Variants in PKHD1 observed in about 807,000 individuals in gnomAD.
The protein encoded by PKHD1 is PKHD1 ciliary IPT domain containing fibrocystin/polyductin.
In PKHD1, 291 loss-of-function variants were observed where a neutral mutation model predicts 412.0. The ratio of observed to expected loss-of-function variants is 0.71; its 90% CI spans 0.64 to 0.78. The LOEUF (loss-of-function observed/expected upper bound fraction) is 0.78. Ranked by LOEUF, PKHD1 falls within the 30% of genes least tolerant of loss-of-function variation. The pLI, the probability that PKHD1 is intolerant of heterozygous loss-of-function variation, is 0.00. For missense variants in PKHD1, 4,825 were observed against 4,950.7 expected (o/e 0.97, Z 0.76); for synonymous variants, 1,777 against 1,821.5 (o/e 0.98, Z 0.62).
intron 60 of PKHD1, among the ~76,000 whole-genome samples, chr6:51,697,880 T>A (rs898454695): frequency 6.6e-6 from 1 of 152,234 alleles, no homozygotes; most frequent in African/African-American, 2.4e-5. Context: ...ATTTACTTTT[T>A]TTAAATCCTC....
At chr6:52,069,709 A>G (rs1161291931) in intron 10 of PKHD1, among the ~76,000 whole-genome samples, 182 bp from the exon 11 acceptor site, 1 of 152,222 alleles carries the variant, frequency 6.6e-6, no homozygotes, top group Non-Finnish European at 1.5e-5. Flanking sequence ...TTTCTGATAT[A>G]TAAAATTATC....
chr6:51,624,272 G>A (rs575700222), intron 66 of PKHD1, among the ~76,000 whole-genome samples: 1 of 152,206 alleles, frequency 6.6e-6, no homozygotes, highest in East Asian at 1.9e-4. Context: ...TTTTGAAGTT[G>A]TCTTGTGGGA....
chr6:51,833,856 T>C (rs897564903), intron 51 of PKHD1, among the ~76,000 whole-genome samples: 5 of 151,166 alleles, frequency 3.3e-5, no homozygotes, highest in Admixed American at 1.3e-4. Flanking sequence ...ACCACAGCCT[T>C]TGATCTGTCT....
chr6:52,006,462 C>T (rs1395733289), intron 35 of PKHD1, among the ~76,000 whole-genome samples: 2 of 152,060 alleles, frequency 1.3e-5, no homozygotes, highest in Admixed American at 6.6e-5. Flanking sequence ...CTGCAACATC[C>T]GCCTCCAGGG....
intron 53 of PKHD1, among the ~76,000 whole-genome samples, chr6:51,790,420 G>A (rs902325208): frequency 1.3e-5 from 2 of 152,030 alleles, no homozygotes; most frequent in Non-Finnish European, 2.9e-5. Flanking sequence ...TGCCTGTCCT[G>A]TGGCCTCAAC....
chr6:52,072,039 G>C, intron 8 of PKHD1, 76 bp downstream of exon 8: 2 of 849,168 alleles, frequency 2.4e-6, no homozygotes, highest in Non-Finnish European at 2.1e-6. Flanking sequence ...GAGAGAAAGA[G>C]AGAGAATGTG....
At chr6:51,987,969 G>A (rs918614733) in intron 35 of PKHD1, among the ~76,000 whole-genome samples, 1 of 152,044 alleles carries the variant, frequency 6.6e-6, no homozygotes, top group East Asian at 1.9e-4. Flanking sequence ...GAGATTTTTT[G>A]AGGGCTCTTA....
chr6:51,932,374 A>C (rs1288477553), intron 37 of PKHD1, among the ~76,000 whole-genome samples: 1 of 152,208 alleles, frequency 6.6e-6, no homozygotes, highest in Non-Finnish European at 1.5e-5. Context: ...CCTCATTTGA[A>C]TTCCTATTTT....
chr6:51,933,968 T>G, intron 37 of PKHD1, 142 bp downstream of exon 37: 1 of 706,692 alleles, frequency 1.4e-6, no homozygotes, highest in South Asian at 1.5e-5. Context: ...ACAGTTTTAC[T>G]TGTTATTTAA....
At chr6:51,682,478 A>G (rs1325268515) in intron 60 of PKHD1, among the ~76,000 whole-genome samples, 1 of 152,030 alleles carries the variant, frequency 6.6e-6, no homozygotes, top group Non-Finnish European at 1.5e-5. Flanking sequence ...AGGTAAAAAT[A>G]TTTTCATAAG....
chr6:51,880,859 A>G (rs1202030073), intron 46 of PKHD1, among the ~76,000 whole-genome samples: 4 of 145,366 alleles, frequency 2.8e-5, no homozygotes, highest in Non-Finnish European at 4.5e-5. Flanking sequence ...CCAGCTACTC[A>G]GGAGGCTGAG....
intron 2 of PKHD1, among the ~76,000 whole-genome samples, chr6:52,084,115 T>A (rs1163170378): frequency 1.3e-5 from 2 of 152,240 alleles, no homozygotes; most frequent in Non-Finnish European, 2.9e-5. Flanking sequence ...AAGGCCAAGT[T>A]AAGGAAGCCA....
intron 37 of PKHD1, among the ~76,000 whole-genome samples, chr6:51,918,463 T>C (rs1239776381): frequency 6.6e-6 from 1 of 152,118 alleles, no homozygotes; most frequent in Admixed American, 6.5e-5. Context: ...TTCTGTCTTG[T>C]GTTAGTTTGC....
At position 51,895,224 on chromosome 6, in the gene PKHD1, TG is replaced by T. The variant is rs1451561857; in HGVS notation, c.6997-7980del. ...ATTCCAATCCTTTGGGAAGCCAAAG[TG>T]GGGAGATCACTTGAGACCAAGAGTT... is the stretch of plus-strand genomic sequence containing the variant. On this transcript the variant is annotated intron_variant, in intron 43 of 66. Transcript: ENST00000371117. Among the ~76,000 whole-genome samples, 26 of 152,326 alleles carry T rather than the reference TG, an allele frequency of 1.7e-4. 1 individual carries two copies. Among genetic ancestry groups the T allele is most frequent in the African/African-American group, 5.3e-4 (22 of 41,588 alleles).
chr6:51,692,490 A>C lies in PKHD1; in HGVS notation c.10157-32521T>G, dbSNP rs138875901. Among the ~76,000 whole-genome samples, 21 of 152,158 alleles carry C rather than the reference A, an allele frequency of 1.4e-4. 1 individual carries two copies. The East Asian group carries it at 3.7e-3, about 27-fold the overall frequency. Reference sequence around the variant, plus strand: ...CAAATCTGAGGACACTTTTACCAAAACCTTTTAAAAATATTCACTCTTCCT... The same window carrying C: ...CAAATCTGAGGACACTTTTACCAAACCCTTTTAAAAATATTCACTCTTCCT... On this transcript the variant is annotated intron_variant, in intron 60 of 66. Coordinates refer to ENST00000371117, the MANE Select transcript of PKHD1 (RefSeq NM_138694.4).
At chr6:51,900,641 C>A (rs1216789972) in intron 43 of PKHD1, among the ~76,000 whole-genome samples, 1 of 152,084 alleles carries the variant, frequency 6.6e-6, no homozygotes, top group Non-Finnish European at 1.5e-5. Context: ...ACATCAAAAG[C>A]AATGGCAACA....
At chr6:51,888,525 A>G (rs1583209883) in intron 43 of PKHD1, among the ~76,000 whole-genome samples, 1 of 152,140 alleles carries the variant, frequency 6.6e-6, no homozygotes. Context: ...AAGAGATTTA[A>G]TAAAAAATTC....
chr6:51,933,758 GT>G (rs1157806592), intron 37 of PKHD1, among the ~76,000 whole-genome samples: 10 of 152,208 alleles, frequency 6.6e-5, no homozygotes, highest in Non-Finnish European at 1.2e-4. Flanking sequence ...TGGCCATGCA[GT>G]CCCCCAGTTC....
At chr6:51,821,760 G>T (rs1411353887) in intron 52 of PKHD1, among the ~76,000 whole-genome samples, 1 of 152,164 alleles carries the variant, frequency 6.6e-6, no homozygotes, top group African/African-American at 2.4e-5. Context: ...TGTCACCCAG[G>T]CTGAAGCGCT....
Sources: gnomAD v4.1 joint callset for allele counts (sites outside exome capture counted in the v4.1 genomes callset) on GRCh38, gnomAD v4.1.1 for gene constraint, MANE v1.5 for transcripts, NCBI Gene and HGNC (gene_info 2026-07-23, HGNC 2026-07-21) for gene names.